NUAK1: variants seen among roughly 807,000 people sequenced by gnomAD.
NUAK1 encodes NUAK family SNF1-like kinase 1.
Under a neutral mutation model 56.9 loss-of-function variants are expected in NUAK1, and 26 were observed. The ratio of observed to expected loss-of-function variants is 0.46; its 90% CI spans 0.33 to 0.63. The LOEUF (loss-of-function observed/expected upper bound fraction) is 0.63. NUAK1 is among the 30% of genes least tolerant of loss of function. The pLI, the probability that NUAK1 is intolerant of heterozygous loss-of-function variation, is 0.02. For missense variants in NUAK1, 727 were observed against 876.1 expected (o/e 0.83, Z 2.15); for synonymous variants, 337 against 336.0 (o/e 1.00, Z -0.03).
At chr12:106,072,992 G>C in intron 4 of NUAK1, 149 bp from the exon 5 acceptor site, 1 of 813,240 alleles carries the variant, frequency 1.2e-6, no homozygotes. Flanking sequence ...CCAGCCCTGA[G>C]TCTTCATAAA....
Position 106,086,747 on chromosome 12 carries a change from T to A in NUAK1, c.500A>T (p.His167Leu). 1 of 1,613,374 alleles carries A rather than the reference T, an allele frequency of 6.2e-7. No individual in the cohort carries two copies. The highest frequency in any genetic ancestry group is 8.5e-7 in the Non-Finnish European group (1 of 1,179,414). The change falls in exon 3 of 7, where the codon CAC becomes CTC. Residue 167 changes from histidine (H) to leucine (L), a missense_variant. By Grantham distance (99) the His-to-Leu change is moderately conservative. Transcript: ENST00000261402. ...GCGCAGCCATACCTTGTGACAATAG[T>A]GCACAGCAGAGACGATCTGCCGGAA... Reference protein sequence around the residue: ...HFFRQIVSAVHYCHKNGVVHR... With the variant: ...HFFRQIVSAVLYCHKNGVVHR...
In NUAK1 at chr12:106,066,740, AG is replaced by A; in HGVS notation, c.*61del. On this transcript the variant is annotated 3_prime_UTR_variant, in exon 7 of 7. Transcript: ENST00000261402. ...CCAGCAAAGAGGTAACCAGCCTGTG[AG>A]CCCAAGTCTTGCTCCCCTTCCTCCC... The A allele has an allele frequency of 7.6e-7, 1 of 1,324,250 alleles. No homozygotes were observed. 82.0% of individuals were successfully genotyped at this position (1,324,250 alleles called of 1,614,324 possible).
intron 1 of NUAK1, among the ~76,000 whole-genome samples, chr12:106,107,911 T>C (rs553820490): frequency 3.0e-4 from 46 of 152,338 alleles, no homozygotes; most frequent in African/African-American, 1.1e-3. Flanking sequence ...TTACCCCAGT[T>C]GTGATTAAAT....
intron 6 of NUAK1, 55 bp downstream of exon 6, chr12:106,070,719 G>T: frequency 1.2e-6 from 2 of 1,605,102 alleles, no homozygotes; most frequent in Admixed American, 1.7e-5. Context: ...ATAAGAGTTG[G>T]GTAAGCAGAT....
chr12:106,089,064 C>A (rs1249591392), intron 2 of NUAK1, among the ~76,000 whole-genome samples: 2 of 152,244 alleles, frequency 1.3e-5, no homozygotes, highest in African/African-American at 4.8e-5. Flanking sequence ...GCCTGTTGTG[C>A]ACTTTTCATT....
chr12:106,117,412 G>A (rs534535676), intron 1 of NUAK1, among the ~76,000 whole-genome samples: 7 of 152,192 alleles, frequency 4.6e-5, no homozygotes, highest in African/African-American at 9.6e-5. Context: ...CCAGAAAACC[G>A]AGTCTCACTT....
chr12:106,086,652 A>T, intron 3 of NUAK1, 82 bp downstream of exon 3: 3 of 1,431,760 alleles, frequency 2.1e-6, no homozygotes, highest in Non-Finnish European at 2.8e-6. Context: ...ATGAACAGAT[A>T]TCACTTTTAT....
intron 1 of NUAK1, among the ~76,000 whole-genome samples, chr12:106,125,481 C>CTCTA (rs2033017348): frequency 6.6e-6 from 1 of 152,182 alleles, no homozygotes; most frequent in African/African-American, 2.4e-5. Flanking sequence ...ATTGGACTTC[C>CTCTA]TCTAAGCCTC....
intron 1 of NUAK1, among the ~76,000 whole-genome samples, chr12:106,116,796 T>C (rs1035730587): frequency 5.3e-5 from 8 of 152,204 alleles, no homozygotes; most frequent in African/African-American, 1.7e-4. Context: ...TGTTAGCTAA[T>C]ATTTAAACCA....
intron 1 of NUAK1, among the ~76,000 whole-genome samples, chr12:106,124,996 C>CAATAAATAAATAAATA (rs55900706): frequency 6.0e-4 from 88 of 147,092 alleles, no homozygotes; most frequent in Middle Eastern, 3.4e-3. Context: ...GACTCCATCT[C>CAATAAATAAATAAATA]AATAAATAAA....
Position 106,064,757 on chromosome 12 carries a change from AGAGTTG to A in NUAK1, c.*2039_*2044del, listed in dbSNP as rs1488042594. 6.6e-6 allele frequency: 1 copy of A among 152,098 alleles called. No homozygotes were observed. The highest frequency in any genetic ancestry group is 1.5e-5 in the Non-Finnish European group (1 of 68,068). 9.4% of individuals were successfully genotyped at this position (152,098 alleles called of 1,614,324 possible). A position where few individuals can be genotyped will look rare whatever the true frequency, so the allele number is the denominator to read the frequency against. On this transcript the variant is annotated 3_prime_UTR_variant, in exon 7 of 7. Coordinates refer to ENST00000261402, the MANE Select transcript of NUAK1 (RefSeq NM_014840.3). ...AAATGAGGCAGGAAGTAGGGAGCTC[AGAGTTG>A]CAGGTTGTCCTCCATGCACCCACAC...
intron 3 of NUAK1, among the ~76,000 whole-genome samples, chr12:106,085,183 A>G (rs2032558671): frequency 1.3e-5 from 2 of 152,244 alleles, no homozygotes. Context: ...GGTTTTTGTA[A>G]TAAGATGGAA....
chr12:106,078,761 G>C (rs550560120), intron 4 of NUAK1, among the ~76,000 whole-genome samples: 4 of 152,332 alleles, frequency 2.6e-5, no homozygotes, highest in South Asian at 2.1e-4. Context: ...GCTCTTAAAA[G>C]AGGGCGCGTC....
Position 106,138,912 on chromosome 12 carries a change from G to GGCAGGGGAGGCGGTGGTGTTT in NUAK1, c.-280_-260dup, listed in dbSNP as rs1158349616. On this transcript the variant is annotated 5_prime_UTR_variant, in exon 1 of 7. Coordinates refer to ENST00000261402, the MANE Select transcript of NUAK1 (RefSeq NM_014840.3). The surrounding 1 kb of genome is among the most constrained non-coding windows in gnomAD (Gnocchi z 5.0). ...GAGCGTCGGGCGAGGTGGCGGCGGTGGCAGGGGAGGCGGTGGTGTTTGCAG... is the reference window on the plus strand; with the variant it reads ...GAGCGTCGGGCGAGGTGGCGGCGGTGGCAGGGGAGGCGGTGGTGTTTGCAGGGGAGGCGGTGGTGTTTGCAG... The GGCAGGGGAGGCGGTGGTGTTT allele has an allele frequency of 8.1e-6, 3 of 372,110 alleles. No individual in the cohort carries two copies. The highest frequency in any genetic ancestry group is 6.4e-5 in the African/African-American group (3 of 46,982). The allele number at this position is 372,110 out of a possible 1,614,324, so 23.1% of individuals were successfully genotyped here.
intron 3 of NUAK1, among the ~76,000 whole-genome samples, chr12:106,086,180 A>G (rs911538335): frequency 6.6e-6 from 1 of 152,226 alleles, no homozygotes; most frequent in Non-Finnish European, 1.5e-5. Context: ...TATTTGTCAT[A>G]ATCAGAAATT....
At chr12:106,114,690 C>T (rs2032898365) in intron 1 of NUAK1, among the ~76,000 whole-genome samples, 2 of 152,148 alleles carry the variant, frequency 1.3e-5, no homozygotes. Flanking sequence ...TCCTGATTCC[C>T]ACTCCAGGAG....
intron 1 of NUAK1, among the ~76,000 whole-genome samples, chr12:106,110,970 C>T (rs1051999716): frequency 6.6e-6 from 1 of 152,134 alleles, no homozygotes; most frequent in African/African-American, 2.4e-5. Context: ...GCCTGCTGGG[C>T]ATCCTCTCCC....
At chr12:106,124,744 T>C (rs1163919027) in intron 1 of NUAK1, among the ~76,000 whole-genome samples, 1 of 152,058 alleles carries the variant, frequency 6.6e-6, no homozygotes, top group African/African-American at 2.4e-5. Flanking sequence ...GTGTGGTGGC[T>C]CATGACTGTA....
At position 106,115,786 on chromosome 12, in the gene NUAK1, G is replaced by T. The variant is rs73397194; in HGVS notation, c.241-9261C>A. Reference sequence around the variant, plus strand: ...TCCTGCCGTCCCATCATGGGGATGAGCCTCGCCCAGTACTCAACTCTCAGT... The same window carrying T: ...TCCTGCCGTCCCATCATGGGGATGATCCTCGCCCAGTACTCAACTCTCAGT... On this transcript the variant is annotated intron_variant, in intron 1 of 6. Coordinates refer to ENST00000261402, the MANE Select transcript of NUAK1 (RefSeq NM_014840.3). 5.1e-3 allele frequency among the ~76,000 whole-genome samples: 774 copies of T among 152,284 alleles called. 3 individuals carry two copies. Among genetic ancestry groups the T allele is most frequent in the African/African-American group, 0.014 (583 of 41,558 alleles).
Sources: gnomAD v4.1 joint callset for allele counts (sites outside exome capture counted in the v4.1 genomes callset) on GRCh38, gnomAD v4.1.1 for gene constraint, Gnocchi (gnomAD v3.1) non-coding constraint, MANE v1.5 for transcripts, NCBI Gene and HGNC (gene_info 2026-07-23, HGNC 2026-07-21) for gene names.